Variants in GAPVD1 observed in about 807,000 individuals in gnomAD.
GAPVD1 encodes the protein GTPase-activating protein and VPS9 domain-containing protein 1.
A neutral mutation model predicts 155.5 loss-of-function variants in GAPVD1; 35 were observed. The observed-to-expected ratio is 0.23, with a 90% CI of 0.17 to 0.30. The LOEUF is 0.30. Among genes scored for constraint, GAPVD1 ranks in the 10% least tolerant of loss-of-function variants. GAPVD1 has a pLI of 1.00. For missense variants in GAPVD1, 1,429 were observed against 1,775.7 expected, an observed-to-expected ratio of 0.80 and a Z score of 3.51; for synonymous variants, 636 against 619.7, an observed-to-expected ratio of 1.03 and a Z score of -0.39.
At chr9:125,297,732 T>A (rs1051410626) in intron 3 of GAPVD1, among the ~76,000 whole-genome samples, 5 of 152,110 alleles carry the variant, frequency 3.3e-5, no homozygotes, top group African/African-American at 4.8e-5. Context: ...AATGAAGTGA[T>A]CTGACTTAAG....
chr9:125,274,281 G>C (rs1301310482), intron 2 of GAPVD1, among the ~76,000 whole-genome samples: 3 of 151,932 alleles, frequency 2.0e-5, no homozygotes. Context: ...GCCTCTCAAA[G>C]TGTTGGGATT....
At chr9:125,295,353 C>T (rs1355673913) in intron 2 of GAPVD1, 105 bp from the exon 3 acceptor site, 1 of 150,806 alleles carries the variant, frequency 6.6e-6, no homozygotes, top group East Asian at 1.9e-4. Context: ...CTGAACTCCT[C>T]TGATATTATA....
chr9:125,279,863 C>A (rs896818533), intron 2 of GAPVD1, among the ~76,000 whole-genome samples: 1 of 150,362 alleles, frequency 6.7e-6, no homozygotes, highest in South Asian at 2.1e-4. Context: ...TGAGTTCAAG[C>A]GATTCTTCTG....
chr9:125,279,764 CTTT>C (rs761676874), intron 2 of GAPVD1, among the ~76,000 whole-genome samples: 1 of 141,464 alleles, frequency 7.1e-6, no homozygotes, highest in Admixed American at 7.1e-5. Flanking sequence ...TATTCAGTGA[CTTT>C]TTTTTTTTTT....
intron 9 of GAPVD1, among the ~76,000 whole-genome samples, chr9:125,313,138 G>A (rs944266202): frequency 7.9e-5 from 12 of 151,628 alleles, no homozygotes; most frequent in African/African-American, 2.9e-4. Flanking sequence ...TATTTTATAA[G>A]GGCACTTATT....
At chr9:125,286,742 A>G (rs138681087) in intron 2 of GAPVD1, among the ~76,000 whole-genome samples, 2 of 152,174 alleles carry the variant, frequency 1.3e-5, no homozygotes, top group African/African-American at 4.8e-5. Context: ...GAAAGACAGG[A>G]TATAGACATT....
Position 125,323,779 on chromosome 9 carries a change from A to G in GAPVD1, c.1733-19A>G, listed in dbSNP as rs1351004508. The G allele has an allele frequency of 4.3e-6, 7 of 1,613,010 alleles. No individual in the cohort carries two copies. The South Asian group carries it at 6.6e-5, about 15-fold the overall frequency. On this transcript the variant is annotated intron_variant, in intron 10 of 27. Coordinates refer to ENST00000297933, the MANE Select transcript of GAPVD1 (RefSeq NM_001282680.3). ...TGACTGTTTTAAAAAGATTGCTCAC[A>G]CTATAAACATTTCTCTAGGTCCTTC...
intron 2 of GAPVD1, among the ~76,000 whole-genome samples, chr9:125,276,466 A>G (rs1263232638): frequency 1.3e-5 from 2 of 152,202 alleles, no homozygotes; most frequent in Non-Finnish European, 2.9e-5. Flanking sequence ...ACACAGGCGG[A>G]TCACTTGAGC....
At position 125,263,255 on chromosome 9, in the gene GAPVD1, C is replaced by G. The variant is rs139232471; in HGVS notation, c.-199+1296C>G. Reference sequence around the variant, plus strand: ...ATTGAGGTCAAGAGATCGAGACCATCCTGGCCAACATGGTGAAACCCCATC... The same window carrying G: ...ATTGAGGTCAAGAGATCGAGACCATGCTGGCCAACATGGTGAAACCCCATC... On this transcript the variant is annotated intron_variant, in intron 1 of 27. Transcript: ENST00000297933. 1.9e-3 allele frequency among the ~76,000 whole-genome samples: 288 copies of G among 152,324 alleles called. 6 individuals carry two copies. The East Asian group carries it at 0.054, about 28-fold the overall frequency.
At chr9:125,279,334 G>T in intron 2 of GAPVD1, among the ~76,000 whole-genome samples, 1 of 152,118 alleles carries the variant, frequency 6.6e-6, no homozygotes, top group South Asian at 2.1e-4. Context: ...ACCTTGGGAA[G>T]CTGAGGCAGG....
chr9:125,301,692 T>G (rs1840902637), intron 4 of GAPVD1, among the ~76,000 whole-genome samples: 1 of 151,996 alleles, frequency 6.6e-6, no homozygotes, highest in African/African-American at 2.4e-5. Flanking sequence ...TCAAGTGATT[T>G]GCCCGCCTCG....
At chr9:125,266,219 C>T (rs569332982) in intron 1 of GAPVD1, among the ~76,000 whole-genome samples, 2 of 151,392 alleles carry the variant, frequency 1.3e-5, no homozygotes, top group South Asian at 2.1e-4. Context: ...CTCCGTCTCC[C>T]GGGTTCCAGC....
intron 17 of GAPVD1, among the ~76,000 whole-genome samples, chr9:125,340,071 A>C (rs533528149): frequency 2.3e-4 from 35 of 152,210 alleles, no homozygotes; most frequent in African/African-American, 7.5e-4. Context: ...CCCAGGCTGG[A>C]GTGCAGTGGT....
intron 12 of GAPVD1, among the ~76,000 whole-genome samples, chr9:125,327,997 A>G (rs1300795828): frequency 1.3e-5 from 2 of 151,994 alleles, no homozygotes; most frequent in Non-Finnish European, 2.9e-5. Flanking sequence ...TTATTTTATG[A>G]TATAGCTTTA....
At chr9:125,338,578 T>G (rs1036948175) in intron 17 of GAPVD1, among the ~76,000 whole-genome samples, 1 of 152,210 alleles carries the variant, frequency 6.6e-6, no homozygotes, top group African/African-American at 2.4e-5. Context: ...TACAGGCCAT[T>G]TGTTTTCTCG....
At chr9:125,360,472 C>T (rs1001572687) in intron 26 of GAPVD1, 56 bp from the exon 27 acceptor site, 1 of 1,418,936 alleles carries the variant, frequency 7.0e-7, no homozygotes, top group Middle Eastern at 1.8e-4. Flanking sequence ...GCAGTAGTCA[C>T]TGCGCAGGGT....
At chr9:125,336,987 G>T (rs775965344) in intron 15 of GAPVD1, 31 bp from the exon 16 acceptor site, 2 of 1,302,044 alleles carry the variant, frequency 1.5e-6, no homozygotes, top group Non-Finnish European at 2.2e-6. Context: ...CTGCGTCCTG[G>T]CTTGGTCTCA....
chr9:125,299,641 C>T (rs1248141448), intron 4 of GAPVD1, among the ~76,000 whole-genome samples: 3 of 149,306 alleles, frequency 2.0e-5, no homozygotes, highest in Non-Finnish European at 3.0e-5. Context: ...GGCCATAGAG[C>T]GAGACTCTGT....
chr9:125,351,784 A>C (rs1378870003), intron 23 of GAPVD1, among the ~76,000 whole-genome samples: 6 of 148,142 alleles, frequency 4.1e-5, no homozygotes, highest in Non-Finnish European at 8.9e-5. Flanking sequence ...CTTGTTGCCC[A>C]GGCTGGAGTG....
Sources: allele counts gnomAD v4.1 joint callset (sites outside exome capture counted in the v4.1 genomes callset), GRCh38; gene constraint gnomAD v4.1.1; transcripts MANE v1.5; gene names NCBI Gene and HGNC (gene_info 2026-07-23, HGNC 2026-07-21).